The following ZFHX3 variants were observed in gnomAD, a reference collection of about 807,000 sequenced individuals.
ZFHX3 encodes the protein zinc finger homeobox protein 3.
ZFHX3 carries 42 observed loss-of-function variants against 279.1 expected under a neutral mutation model. That is an observed-to-expected ratio of 0.15 (90% confidence interval 0.12 to 0.19). The LOEUF (loss-of-function observed/expected upper bound fraction) is 0.19, where lower values mean the gene tolerates loss of function less well. Ranked by LOEUF, ZFHX3 falls within the 10% of genes least tolerant of loss-of-function variation. The pLI, the probability that ZFHX3 is intolerant of heterozygous loss-of-function variation, is 1.00. For missense variants in ZFHX3, 4,981 were observed against 4,754.0 expected, an observed-to-expected ratio of 1.05 and a Z score of -1.40; for synonymous variants, 2,293 against 1,957.8, an observed-to-expected ratio of 1.17 and a Z score of -4.52.
chr16:73,259,369 G>A (rs1332247390), intron 4 of ZFHX3, among the ~76,000 whole-genome samples: 2 of 152,138 alleles, frequency 1.3e-5, no homozygotes, highest in Admixed American at 1.3e-4. Context: ...ACTTTATAAT[G>A]TTTGCCAGTC....
At chr16:73,444,069 T>C (rs2018140910) in intron 3 of ZFHX3, among the ~76,000 whole-genome samples, 2 of 152,200 alleles carry the variant, frequency 1.3e-5, no homozygotes. Flanking sequence ...TCCTTCGCTT[T>C]CTCTTGGTCA....
intron 1 of ZFHX3, among the ~76,000 whole-genome samples, chr16:73,043,601 C>G (rs1965193680): frequency 6.6e-6 from 1 of 152,252 alleles, no homozygotes; most frequent in Admixed American, 6.5e-5. Context: ...ACCCCCATCA[C>G]TGCCTAGACC....
intron 8 of ZFHX3, among the ~76,000 whole-genome samples, chr16:73,079,669 C>T (rs550624872): frequency 6.6e-6 from 1 of 151,934 alleles, no homozygotes; most frequent in African/African-American, 2.4e-5. Flanking sequence ...TACTTGGAAA[C>T]CTACACATGC....
At chr16:73,644,780 A>G (rs2052603785) in intron 2 of ZFHX3, among the ~76,000 whole-genome samples, 1 of 152,194 alleles carries the variant, frequency 6.6e-6, no homozygotes, top group South Asian at 2.1e-4. Context: ...AACTCCTCCA[A>G]ATAGGTAGAG....
At chr16:73,389,235 T>C (rs917511682) in intron 3 of ZFHX3, 2 of 151,996 alleles carry the variant, frequency 1.3e-5, no homozygotes, top group Non-Finnish European at 2.9e-5. Flanking sequence ...GCTTTGTAAA[T>C]AAAGTTTTGC....
intron 1 of ZFHX3, among the ~76,000 whole-genome samples, chr16:73,733,075 G>A (rs1346379041): frequency 6.7e-6 from 1 of 148,200 alleles, no homozygotes; most frequent in Non-Finnish European, 1.5e-5. Flanking sequence ...GCAGCAATCA[G>A]CTCAAAGCCA....
intron 1 of ZFHX3, among the ~76,000 whole-genome samples, chr16:73,036,931 G>A (rs1222460367): frequency 3.3e-5 from 5 of 152,126 alleles, no homozygotes; most frequent in Non-Finnish European, 5.9e-5. Flanking sequence ...AAACACACCC[G>A]CAAACTTCCT....
intron 5 of ZFHX3, among the ~76,000 whole-genome samples, chr16:72,824,005 T>C (rs2036868263): frequency 6.6e-6 from 1 of 152,208 alleles, no homozygotes; most frequent in Admixed American, 6.5e-5. Context: ...CAGATTATAT[T>C]TCAGGCACTA....
At chr16:73,371,059 T>C (rs1376644511) in intron 3 of ZFHX3, among the ~76,000 whole-genome samples, 5 of 152,008 alleles carry the variant, frequency 3.3e-5, no homozygotes, top group Non-Finnish European at 5.9e-5. Flanking sequence ...TGGTGGCTCA[T>C]GGCTGTAATC....
chr16:73,003,633 G>C (rs1342474438), intron 1 of ZFHX3, among the ~76,000 whole-genome samples: 1 of 152,064 alleles, frequency 6.6e-6, no homozygotes, highest in Non-Finnish European at 1.5e-5. Context: ...CTGAACCAGG[G>C]AGGCAGGGAT....
Position 73,873,430 on chromosome 16 carries a change from G to T in ZFHX3, c.-1608+18221C>A, listed in dbSNP as rs967567567. Among the ~76,000 whole-genome samples, 20 of 150,618 alleles carry T rather than the reference G, an allele frequency of 1.3e-4. 1 individual carries two copies. Among genetic ancestry groups the T allele is most frequent in the African/African-American group, 5.0e-4 (20 of 39,952 alleles). On this transcript the variant is annotated intron_variant, in intron 1 of 17. Transcript: ENST00000641206. The stretch of plus-strand genomic sequence containing the variant: ...TAGATCCATGGAAAACACAAATAGA[G>T]AAAATCCTCCCACTCATTTTATGTG...
intron 2 of ZFHX3, among the ~76,000 whole-genome samples, chr16:73,465,271 G>A (rs1244668470): frequency 2.0e-5 from 3 of 152,314 alleles, no homozygotes; most frequent in East Asian, 3.9e-4. Context: ...TCTTTCAGAC[G>A]CAGAATGGCT....
intron 1 of ZFHX3, among the ~76,000 whole-genome samples, chr16:73,781,246 AAACTTC>A (rs1418860195): frequency 6.6e-6 from 1 of 152,218 alleles, no homozygotes; most frequent in African/African-American, 2.4e-5. Flanking sequence ...CATGATTCTC[AAACTTC>A]AACATTCATC....
chr16:73,012,051 A>T (rs181679333), intron 1 of ZFHX3, among the ~76,000 whole-genome samples: 64 of 152,334 alleles, frequency 4.2e-4, no homozygotes, highest in Admixed American at 2.9e-3. Context: ...CATTCGAGCT[A>T]AACATTACAG....
At chr16:73,111,231 G>A (rs1966369611) in intron 7 of ZFHX3, among the ~76,000 whole-genome samples, 1 of 152,190 alleles carries the variant, frequency 6.6e-6, no homozygotes, top group African/African-American at 2.4e-5. Flanking sequence ...GTGAGCCACT[G>A]CACCCGGCCA....
At chr16:72,955,776 C>A (rs374553773) in intron 2 of ZFHX3, among the ~76,000 whole-genome samples, 274 of 106,042 alleles carry the variant, frequency 2.6e-3, no homozygotes, top group South Asian at 5.0e-3. Context: ...GACTCTGTCT[C>A]AAAAAAAAAA....
chr16:73,179,036 G>T (rs1475817540), intron 5 of ZFHX3, among the ~76,000 whole-genome samples: 3 of 152,160 alleles, frequency 2.0e-5, no homozygotes, highest in East Asian at 1.9e-4. Context: ...CATAACCAAA[G>T]ATTTTATTAG....
At chr16:72,884,900 G>T (rs1042198189) in intron 4 of ZFHX3, among the ~76,000 whole-genome samples, 1 of 152,178 alleles carries the variant, frequency 6.6e-6, no homozygotes, top group Non-Finnish European at 1.5e-5. Context: ...ATGACGAGTG[G>T]TTTCTACCTG....
intron 2 of ZFHX3, among the ~76,000 whole-genome samples, chr16:73,561,136 A>AT: frequency 6.6e-6 from 1 of 152,280 alleles, no homozygotes; most frequent in East Asian, 1.9e-4. Context: ...GGTGTTCTGC[A>AT]TTTTTATTTG....
Sources: gnomAD v4.1 joint callset for allele counts (sites outside exome capture counted in the v4.1 genomes callset) on GRCh38, gnomAD v4.1.1 for gene constraint, MANE v1.5 for transcripts, NCBI Gene and HGNC (gene_info 2026-07-23, HGNC 2026-07-21) for gene names.